Variants in MCTP1 observed in about 807,000 individuals in gnomAD.
MCTP1 encodes multiple C2 and transmembrane domain containing 1, also known as multiple C2 and transmembrane domain-containing protein 1.
MCTP1 carries 69 observed loss-of-function variants against 120.6 expected under a neutral mutation model. The ratio of observed to expected loss-of-function variants is 0.57; its 90% CI spans 0.47 to 0.70. The LOEUF is 0.70. Among genes scored for constraint, MCTP1 ranks in the 30% least tolerant of loss-of-function variants. The pLI, the probability that MCTP1 is intolerant of heterozygous loss-of-function variation, is 0.00. For missense variants in MCTP1, 1,203 were observed against 1,248.8 expected, an observed-to-expected ratio of 0.96 and a Z score of 0.55; for synonymous variants, 529 against 493.1, an observed-to-expected ratio of 1.07 and a Z score of -0.96.
At chr5:95,146,288 A>T (rs957493488) in intron 1 of MCTP1, among the ~76,000 whole-genome samples, 1 of 151,848 alleles carries the variant, frequency 6.6e-6, no homozygotes, top group African/African-American at 2.4e-5. Context: ...TTCCTTTGTT[A>T]ATCTAGCTAG....
intron 2 of MCTP1, among the ~76,000 whole-genome samples, chr5:94,974,767 CCTT>C (rs1209397003): frequency 6.6e-6 from 1 of 151,794 alleles, no homozygotes; most frequent in Non-Finnish European, 1.5e-5. Context: ...AAAAAAATCT[CCTT>C]ATCAGCTAAA....
At chr5:94,995,269 GGGT>G (rs1832400051) in intron 2 of MCTP1, among the ~76,000 whole-genome samples, 1 of 152,146 alleles carries the variant, frequency 6.6e-6, no homozygotes, top group Non-Finnish European at 1.5e-5. Context: ...ACAGATTCGT[GGGT>G]CTCATTTCCA....
chr5:95,004,632 C>T (rs967184038), intron 2 of MCTP1, among the ~76,000 whole-genome samples: 2 of 152,228 alleles, frequency 1.3e-5, no homozygotes, highest in African/African-American at 2.4e-5. Flanking sequence ...AGATATGTCT[C>T]AGGCTGCTGC....
intron 2 of MCTP1, among the ~76,000 whole-genome samples, chr5:94,990,706 G>A (rs1029176762): frequency 9.9e-5 from 15 of 152,136 alleles, no homozygotes; most frequent in African/African-American, 3.6e-4. Flanking sequence ...ACTCTGAAGG[G>A]GAGGGAATTA....
Position 95,237,708 on chromosome 5 carries a change from TATA to T in MCTP1, c.720+46145_720+46147del, listed in dbSNP as rs370602215. Among the ~76,000 whole-genome samples the T allele has an allele frequency of 3.9e-3, 587 of 152,346 alleles. 5 individuals are homozygous for T. The highest frequency in any genetic ancestry group is 0.012 in the African/African-American group (506 of 41,582). On this transcript the variant is annotated intron_variant, in intron 1 of 22. Transcript: ENST00000515393. ...ATTAATAAAACATGATGAGAAAATG[TATA>T]ATTATAATTCTTGATATTTCTCTTC...
intron 2 of MCTP1, among the ~76,000 whole-genome samples, chr5:94,966,516 C>T (rs1377235970): frequency 6.6e-6 from 1 of 152,006 alleles, no homozygotes; most frequent in East Asian, 1.9e-4. Flanking sequence ...ATGTGGCTGG[C>T]CGGACGCGGT....
intron 1 of MCTP1, among the ~76,000 whole-genome samples, chr5:95,216,856 C>G (rs1027298087): frequency 6.6e-6 from 1 of 152,172 alleles, no homozygotes; most frequent in African/African-American, 2.4e-5. Flanking sequence ...AATACTTCAT[C>G]TTTAAATTAC....
rs368437699 is a variant in MCTP1 at position 95,284,415 on chromosome 5, G to A, written c.161C>T (p.Pro54Leu). 6.3e-7 allele frequency: 1 copy of A among 1,577,108 alleles called. No individual in the cohort carries two copies. Among genetic ancestry groups the A allele is most frequent in the African/African-American group, 1.4e-5 (1 of 73,838 alleles). Residue 54 changes from proline (P) to leucine (L), a missense_variant, in exon 1 of 23, where the codon CCG becomes CTG. Around this residue, in one of 2 missense-constraint regions of MCTP1, gnomAD observed 463 missense variants for 377.8 expected, o/e 1.23. Coordinates refer to ENST00000515393, the MANE Select transcript of MCTP1 (RefSeq NM_024717.7). This position sits in a 1 kb window ranked among gnomAD's most constrained non-coding sequence, Gnocchi z 5.2. ...GGPERRTADT[P>L]SPSPPPPVGT... ...CACCGGGGGTGGCGGGGAGGGCGACGGGGTGTCCGCAGTGCGGCGCTCTGG... is the reference window on the plus strand; with the variant it reads ...CACCGGGGGTGGCGGGGAGGGCGACAGGGTGTCCGCAGTGCGGCGCTCTGG...
At chr5:94,822,885 T>A (rs1447331649) in intron 17 of MCTP1, among the ~76,000 whole-genome samples, 2 of 152,136 alleles carry the variant, frequency 1.3e-5, no homozygotes, top group African/African-American at 4.8e-5. Context: ...ATATCCTTCA[T>A]CCACTTTTTG....
intron 18 of MCTP1, among the ~76,000 whole-genome samples, chr5:94,796,457 C>T (rs1021682957): frequency 6.6e-6 from 1 of 151,312 alleles, no homozygotes; most frequent in Non-Finnish European, 1.5e-5. Context: ...TATGGACTTA[C>T]GGGAAAATAC....
chr5:94,719,298 C>A (rs1580297466), intron 19 of MCTP1, among the ~76,000 whole-genome samples: 1 of 152,138 alleles, frequency 6.6e-6, no homozygotes, highest in Non-Finnish European at 1.5e-5. Context: ...ACCCAGCATT[C>A]CCATTACTGG....
chr5:94,801,553 C>T (rs1404745797), intron 17 of MCTP1, among the ~76,000 whole-genome samples: 1 of 152,058 alleles, frequency 6.6e-6, no homozygotes, highest in African/African-American at 2.4e-5. Context: ...CTTTATGTTC[C>T]TTTTCTGAGG....
At position 95,259,875 on chromosome 5, in the gene MCTP1, T is replaced by C. The variant is rs1461865563; in HGVS notation, c.720+23981A>G. On this transcript the variant is annotated intron_variant, in intron 1 of 22. Coordinates refer to ENST00000515393, the MANE Select transcript of MCTP1 (RefSeq NM_024717.7). The stretch of plus-strand genomic sequence containing the variant: ...CTTAATGATAGTAGCATTGGACTTA[T>C]GTTGCTATCAAATGAATTTGCTCAG... Among the ~76,000 whole-genome samples the C allele has an allele frequency of 3.3e-5, 5 of 152,352 alleles. No homozygotes were observed. The East Asian group carries it at 5.8e-4, about 18-fold the overall frequency.
Position 95,284,270 on chromosome 5 carries a change from C to T in MCTP1, c.306G>A (p.Ser102=), listed in dbSNP as rs767856621. The part of the protein sequence containing the change: ...FSSSQPNLCC[S]SPEPLEPGGA... ...CGCCGGGCTCCAGGGGCTCCGGCGA[C>T]GAGCAGCACAGGTTGGGCTGCGAGG... is the stretch of plus-strand genomic sequence containing the variant. Residue 102 remains serine, a synonymous_variant, in exon 1 of 23, where the codon TCG becomes TCA. Transcript: ENST00000515393. This position sits in a 1 kb window ranked among gnomAD's most constrained non-coding sequence, Gnocchi z 5.2. 2.4e-5 allele frequency: 39 copies of T among 1,592,480 alleles called. No individual in the cohort carries two copies. Among genetic ancestry groups the T allele is most frequent in the Admixed American group, 1.9e-4 (11 of 59,110 alleles).
At chr5:95,168,475 A>G (rs978818639) in intron 1 of MCTP1, among the ~76,000 whole-genome samples, 2 of 152,192 alleles carry the variant, frequency 1.3e-5, no homozygotes, top group Non-Finnish European at 2.9e-5. Context: ...GAATCTATAA[A>G]TTACCTTGGG....
At position 94,714,831 on chromosome 5, in the gene MCTP1, A is replaced by C; in HGVS notation, c.2666T>G (p.Val889Gly). ...TTCATCTAGGATGTTCTGGACACTG[A>C]CACATACCTCCTGGATGGCATAGAT... Reference protein sequence around the residue: ...NKIYAIQEVCVSVQNILDEVA... With the variant: ...NKIYAIQEVCGSVQNILDEVA... Residue 889 changes from valine to glycine, a missense_variant, in exon 20 of 23, where the codon GTC becomes GGC. By Grantham distance (109) the Val-to-Gly change is moderately radical. Around this residue, in one of 2 missense-constraint regions of MCTP1, gnomAD observed 740 missense variants for 871.1 expected, o/e 0.85. Transcript: ENST00000515393. 1 of 1,613,076 alleles carries C rather than the reference A, an allele frequency of 6.2e-7. No individual in the cohort carries two copies. The highest frequency in any genetic ancestry group is 8.5e-7 in the Non-Finnish European group (1 of 1,179,160).
At chr5:95,214,083 C>G (rs538342485) in intron 1 of MCTP1, among the ~76,000 whole-genome samples, 1 of 152,286 alleles carries the variant, frequency 6.6e-6, no homozygotes, top group South Asian at 2.1e-4. Flanking sequence ...AGGCAACCTA[C>G]AGAATGGGAG....
rs185016149 is a variant in MCTP1, at chr5:94,708,454, A to T, written c.2928+58T>A. 548 of 1,065,270 alleles carry T rather than the reference A, an allele frequency of 5.1e-4. No individual in the cohort carries two copies. In the African/African-American group the frequency reaches 7.9e-3, roughly 15 times the overall value. The allele number at this position is 1,065,270 out of a possible 1,614,324, so 66.0% of individuals were successfully genotyped here. A position where few individuals can be genotyped will look rare whatever the true frequency, so the allele number is the denominator to read the frequency against. ...TGAAATTAGAAGGATATAAAAGCTA[A>T]AACCCCATGCCACACTACATTAAAA... On this transcript the variant is annotated intron_variant, in intron 22 of 22. Coordinates refer to ENST00000515393, the MANE Select transcript of MCTP1 (RefSeq NM_024717.7).
intron 2 of MCTP1, among the ~76,000 whole-genome samples, chr5:94,967,378 T>C (rs1825872773): frequency 6.6e-6 from 1 of 152,228 alleles, no homozygotes; most frequent in African/African-American, 2.4e-5. Flanking sequence ...TGATGAGTTC[T>C]ATTGTTATCT....
Sources: allele counts gnomAD v4.1 joint callset (sites outside exome capture counted in the v4.1 genomes callset), GRCh38; gene constraint gnomAD v4.1.1; regional missense constraint gnomAD v4.1.1; non-coding constraint Gnocchi (gnomAD v3.1); transcripts MANE v1.5; gene names NCBI Gene and HGNC (gene_info 2026-07-23, HGNC 2026-07-21).